Variants in ZNRF3 observed in about 807,000 individuals in gnomAD.
ZNRF3 encodes the protein zinc and ring finger 3.
ZNRF3 carries 23 observed loss-of-function variants against 72.5 expected under a neutral mutation model. The observed-to-expected ratio is 0.32, with a 90% CI of 0.23 to 0.45. The LOEUF (loss-of-function observed/expected upper bound fraction) is 0.45, where lower values mean the gene tolerates loss of function less well. Ranked by LOEUF, ZNRF3 falls within the 20% of genes least tolerant of loss-of-function variation. The pLI is 1.00. For synonymous variants in ZNRF3, 610 were observed against 545.3 expected, an observed-to-expected ratio of 1.12 and a Z score of -1.65; for missense variants, 1,169 against 1,272.1, an observed-to-expected ratio of 0.92 and a Z score of 1.23.
chr22:28,914,495 C>CTTTTT (rs132544), intron 1 of ZNRF3, among the ~76,000 whole-genome samples: 1 of 125,974 alleles, frequency 7.9e-6, no homozygotes, highest in Non-Finnish European at 1.6e-5. Flanking sequence ...TGACATAGAG[C>CTTTTT]TTTTTTTTTT....
At chr22:28,901,510 T>A (rs2123752970) in intron 1 of ZNRF3, among the ~76,000 whole-genome samples, 1 of 152,298 alleles carries the variant, frequency 6.6e-6, no homozygotes, top group South Asian at 2.1e-4. Context: ...AGGGGGTGTG[T>A]AAGTAGTTTA....
chr22:28,936,406 A>G (rs1241406137), intron 1 of ZNRF3, among the ~76,000 whole-genome samples: 1 of 152,004 alleles, frequency 6.6e-6, no homozygotes, highest in Non-Finnish European at 1.5e-5. Context: ...CTGCCTTGAC[A>G]AGGTGTGTCC....
Position 29,044,846 on chromosome 22 carries a change from C to G in ZNRF3, c.700C>G (p.Leu234Val), listed in dbSNP as rs1374701070. The G allele has an allele frequency of 6.2e-7, 1 of 1,614,084 alleles. No homozygotes were observed. The highest frequency in any genetic ancestry group is 8.5e-7 in the Non-Finnish European group (1 of 1,180,024). ...AFFVVVSLVC[L>V]ILLVKIKLKQ... ...CTTCGTCGTGGTCTCCTTGGTCTGC[C>G]TCATCCTCCTTGTCAAAATCAAGCT... The change falls in exon 5 of 9, where the codon CTC becomes GTC. Residue 234 changes from leucine to valine, a missense_variant. Leu to Val is a conservative substitution (Grantham distance 32). Coordinates refer to ENST00000544604, the MANE Select transcript of ZNRF3 (RefSeq NM_001206998.2).
At chr22:28,995,666 G>A (rs532631117) in intron 2 of ZNRF3, among the ~76,000 whole-genome samples, 8 of 152,226 alleles carry the variant, frequency 5.3e-5, no homozygotes, top group Admixed American at 3.3e-4. Context: ...GTCAAAGCTC[G>A]TAAAATTACA....
At chr22:28,917,429 C>G (rs947939999) in intron 1 of ZNRF3, 25 of 985,356 alleles carry the variant, frequency 2.5e-5, no homozygotes, top group Middle Eastern at 1.0e-3. Context: ...TGGGGAGTGT[C>G]CTGTGTGGTG....
At chr22:28,901,704 G>C (rs1351922190) in intron 1 of ZNRF3, among the ~76,000 whole-genome samples, 1 of 137,134 alleles carries the variant, frequency 7.3e-6, no homozygotes, top group Admixed American at 7.7e-5. Context: ...GTAGTGGCAC[G>C]ATCTCGGCTC....
intron 1 of ZNRF3, among the ~76,000 whole-genome samples, chr22:28,933,778 T>TCC (rs1401397230): frequency 6.3e-4 from 68 of 107,352 alleles, no homozygotes; most frequent in Admixed American, 5.2e-4. Flanking sequence ...TCTCTCTCTC[T>TCC]CCCCTCCCTC....
At chr22:28,944,227 C>T (rs2035004084) in intron 1 of ZNRF3, among the ~76,000 whole-genome samples, 1 of 151,520 alleles carries the variant, frequency 6.6e-6, no homozygotes, top group African/African-American at 2.4e-5. Flanking sequence ...CCTGTAATCC[C>T]AGCACTTTGT....
chr22:28,942,074 A>G (rs1323570127), intron 1 of ZNRF3, among the ~76,000 whole-genome samples: 1 of 152,246 alleles, frequency 6.6e-6, no homozygotes, highest in Non-Finnish European at 1.5e-5. Context: ...TGTCCTGCAC[A>G]TGGGATGTGG....
At chr22:28,925,922 C>T (rs2034592062) in intron 1 of ZNRF3, among the ~76,000 whole-genome samples, 1 of 152,154 alleles carries the variant, frequency 6.6e-6, no homozygotes, top group Non-Finnish European at 1.5e-5. Context: ...TCCAGGTCTC[C>T]CCTTCTCTCC....
chr22:29,046,576 TCTGAGCGACTTCTCAGAAGTCTGTTCCGG>T, intron 5 of ZNRF3, 111 bp from the exon 6 acceptor site: 3 of 924,868 alleles, frequency 3.2e-6, no homozygotes, highest in Non-Finnish European at 4.6e-6. Flanking sequence ...CAGTCTGAGT[TCTGAGCGACTTCTCAGAAGTCTGTTCCGG>T]CATGATAGAG....
At chr22:28,906,781 T>G (rs2034215758) in intron 1 of ZNRF3, among the ~76,000 whole-genome samples, 1 of 152,084 alleles carries the variant, frequency 6.6e-6, no homozygotes, top group African/African-American at 2.4e-5. Flanking sequence ...AACCACTGGC[T>G]TGGATTTTTA....
chr22:28,951,356 A>G (rs1391267443), intron 1 of ZNRF3, among the ~76,000 whole-genome samples: 1 of 152,110 alleles, frequency 6.6e-6, no homozygotes, highest in Non-Finnish European at 1.5e-5. Flanking sequence ...CTAATCCAAT[A>G]TGACTGGTGT....
chr22:28,900,495 G>C (rs578159151), intron 1 of ZNRF3, among the ~76,000 whole-genome samples: 102 of 152,230 alleles, frequency 6.7e-4, no homozygotes, highest in Non-Finnish European at 1.3e-3. Context: ...TGGTAAGCCA[G>C]ATCAGAGCCC....
intron 1 of ZNRF3, among the ~76,000 whole-genome samples, chr22:28,940,496 C>CTTT (rs575819283): frequency 1.2e-4 from 17 of 138,240 alleles, no homozygotes; most frequent in Admixed American, 1.5e-4. Flanking sequence ...TAGGTTTCTG[C>CTTT]TTTTTTTTTT....
chr22:28,884,225 G>C (rs1333816369), intron 1 of ZNRF3, among the ~76,000 whole-genome samples, 159 bp downstream of exon 1: 1 of 151,532 alleles, frequency 6.6e-6, no homozygotes, highest in Non-Finnish European at 1.5e-5. Context: ...GCAGGCGGGC[G>C]GGACGCGGCC....
chr22:28,888,292 A>G (rs984711623), intron 1 of ZNRF3, among the ~76,000 whole-genome samples: 5 of 152,208 alleles, frequency 3.3e-5, no homozygotes, highest in Non-Finnish European at 1.5e-5. Flanking sequence ...GTGCTTCTGC[A>G]GTTTAGCATT....
intron 1 of ZNRF3, among the ~76,000 whole-genome samples, chr22:28,910,099 A>G (rs2123759992): frequency 6.7e-6 from 1 of 149,918 alleles, no homozygotes. Context: ...GCAGTGGTGC[A>G]ATCTCAGCTC....
At chr22:28,986,585 G>T (rs1391417128) in intron 1 of ZNRF3, 1 of 984,468 alleles carries the variant, frequency 1.0e-6, no homozygotes, top group Non-Finnish European at 1.2e-6. Context: ...TAATTACACT[G>T]GTGATTTCTG....
Sources: gnomAD v4.1 joint callset for allele counts (sites outside exome capture counted in the v4.1 genomes callset) on GRCh38, gnomAD v4.1.1 for gene constraint, MANE v1.5 for transcripts, NCBI Gene and HGNC (gene_info 2026-07-23, HGNC 2026-07-21) for gene names.